Variants in CAV1 observed in about 807,000 individuals in gnomAD.
The protein encoded by CAV1 is caveolin-1.
CAV1 carries 10 observed loss-of-function variants against 16.5 expected under a neutral mutation model. That is an observed-to-expected ratio of 0.61 (90% confidence interval 0.37 to 1.03). The LOEUF (loss-of-function observed/expected upper bound fraction) is 1.03. Among genes scored for constraint, CAV1 ranks in the 50% least tolerant of loss-of-function variants. The pLI is 0.01. For synonymous variants in CAV1, 76 were observed against 85.1 expected (o/e 0.89, Z 0.59); for missense variants, 212 against 232.8 (o/e 0.91, Z 0.58).
At chr7:116,546,111 T>C (rs977781789) in intron 2 of CAV1, among the ~76,000 whole-genome samples, 1 of 152,198 alleles carries the variant, frequency 6.6e-6, no homozygotes, top group African/African-American at 2.4e-5. Flanking sequence ...ATCCATGCTA[T>C]CGCTGGCCCT....
chr7:116,535,905 A>G (rs192820945), intron 2 of CAV1, among the ~76,000 whole-genome samples: 1 of 152,248 alleles, frequency 6.6e-6, no homozygotes, highest in Admixed American at 6.5e-5. Context: ...AAAGAGACTT[A>G]AGTTTTGATG....
intron 2 of CAV1, among the ~76,000 whole-genome samples, chr7:116,532,210 A>G (rs1005895440): frequency 7.2e-5 from 11 of 152,208 alleles, no homozygotes; most frequent in Non-Finnish European, 1.3e-4. Context: ...AAGGGGTTCA[A>G]AGTAGGAACA....
At chr7:116,547,889 C>T (rs991906508) in intron 2 of CAV1, among the ~76,000 whole-genome samples, 3 of 152,144 alleles carry the variant, frequency 2.0e-5, no homozygotes, top group African/African-American at 4.8e-5. Flanking sequence ...AACTTAGGCA[C>T]AAAGAGGTTT....
At chr7:116,526,152 T>C in intron 1 of CAV1, 1 of 395,892 alleles carries the variant, frequency 2.5e-6, no homozygotes, top group Non-Finnish European at 3.5e-6. Flanking sequence ...AGCCTGCGGC[T>C]GCCCCCTCGC....
In CAV1 at chr7:116,546,307, C is replaced by T. The variant is rs73459513; in HGVS notation, c.196-12639C>T. Among the ~76,000 whole-genome samples, 595 of 152,230 alleles carry T rather than the reference C, an allele frequency of 3.9e-3. 4 individuals carry two copies. The highest frequency in any genetic ancestry group is 0.013 in the African/African-American group (545 of 41,516). On this transcript the variant is annotated intron_variant, in intron 2 of 2. Coordinates refer to ENST00000341049, the MANE Select transcript of CAV1 (RefSeq NM_001753.5). ...TAATGAACACGTGAGGCCATGTGGACGCGAGAGATGGCTCCGGGTTCCCTC... is the reference window on the plus strand; with the variant it reads ...TAATGAACACGTGAGGCCATGTGGATGCGAGAGATGGCTCCGGGTTCCCTC...
chr7:116,526,336 A>C (rs1265140254), intron 1 of CAV1, 189 bp from the exon 2 acceptor site: 2 of 1,464,870 alleles, frequency 1.4e-6, no homozygotes, highest in East Asian at 2.6e-5. Context: ...TCCTCTTAAA[A>C]AGCTGGCTAC....
At chr7:116,527,749 G>A (rs1017407404) in intron 2 of CAV1, among the ~76,000 whole-genome samples, 2 of 152,184 alleles carry the variant, frequency 1.3e-5, no homozygotes, top group Admixed American at 6.5e-5. Context: ...TGAGGCGGAT[G>A]AGCAATTTCC....
In CAV1 at chr7:116,559,622, A is replaced by T. The variant is rs1794365511; in HGVS notation, c.*335A>T. The T allele has an allele frequency of 3.8e-6, 2 of 527,022 alleles. No homozygotes were observed. The highest frequency in any genetic ancestry group is 6.1e-5 in the East Asian group (2 of 32,848). 32.6% of individuals were successfully genotyped at this position (527,022 alleles called of 1,614,324 possible). A position where few individuals can be genotyped will look rare whatever the true frequency, so the allele number is the denominator to read the frequency against. On this transcript the variant is annotated 3_prime_UTR_variant, in exon 3 of 3. Transcript: ENST00000341049. ...TATGAAGAACTGAGGAGGAAAAAAA[A>T]AAAAAAGAAAAGAACCAACAACCTC...
intron 2 of CAV1, among the ~76,000 whole-genome samples, chr7:116,556,163 G>T (rs1037248497): frequency 6.6e-6 from 1 of 152,146 alleles, no homozygotes; most frequent in African/African-American, 2.4e-5. Context: ...GAAAGTGTAA[G>T]AATCTCCTAT....
At chr7:116,541,465 G>A (rs555614923) in intron 2 of CAV1, among the ~76,000 whole-genome samples, 1 of 152,252 alleles carries the variant, frequency 6.6e-6, no homozygotes, top group Non-Finnish European at 1.5e-5. Flanking sequence ...AAAAGTGTTA[G>A]GTAGGCTGAG....
chr7:116,544,866 G>C (rs1794009381), intron 2 of CAV1, among the ~76,000 whole-genome samples: 1 of 152,130 alleles, frequency 6.6e-6, no homozygotes, highest in Admixed American at 6.5e-5. Context: ...GAAGCCAGAG[G>C]CCATCTCTAT....
rs959335390 is a variant in CAV1 at position 116,526,771 on chromosome 7, G to T, written c.195+82G>T. 339 of 1,493,280 alleles carry T rather than the reference G, an allele frequency of 2.3e-4. 1 individual carries two copies. The highest frequency in any genetic ancestry group is 2.4e-4 in the Non-Finnish European group (256 of 1,083,936). The allele number at this position is 1,493,280 out of a possible 1,614,324, so 92.5% of individuals were successfully genotyped here. A position where few individuals can be genotyped will look rare whatever the true frequency, so the allele number is the denominator to read the frequency against. ...CCGTGCATCCTTCTTTAGCATTGCC[G>T]TGTACGCACACCCCACCCCGCCCCC... On this transcript the variant is annotated intron_variant, in intron 2 of 2. Coordinates refer to ENST00000341049, the MANE Select transcript of CAV1 (RefSeq NM_001753.5).
rs1193689218 is a variant in CAV1, at chr7:116,561,033, A to G, written c.*1746A>G. ...GTATTCCAAGACATGTCTGTTCTAC[A>G]TAGATGCTTAGTCCCTCATGCAAAT... On this transcript the variant is annotated 3_prime_UTR_variant, in exon 3 of 3. Transcript: ENST00000341049. The G allele has an allele frequency of 6.6e-6, 1 of 152,632 alleles. No individual in the cohort carries two copies. Among genetic ancestry groups the G allele is most frequent in the East Asian group, 1.9e-4 (1 of 5,202 alleles). 9.5% of individuals were successfully genotyped at this position (152,632 alleles called of 1,614,324 possible).
Position 116,546,359 on chromosome 7 carries a change from A to C in CAV1, c.196-12587A>C, listed in dbSNP as rs1252201974. On this transcript the variant is annotated intron_variant, in intron 2 of 2. Transcript: ENST00000341049. Reference sequence around the variant, plus strand: ...GACGGCTCACAGCCAGCTGGTCTGCAGTGCGGTTTTAGATTCCGATGTGGG... The same window carrying C: ...GACGGCTCACAGCCAGCTGGTCTGCCGTGCGGTTTTAGATTCCGATGTGGG... 2.0e-5 allele frequency among the ~76,000 whole-genome samples: 3 copies of C among 152,096 alleles called. No homozygotes were observed. The East Asian group carries it at 5.8e-4, about 29-fold the overall frequency.
intron 2 of CAV1, among the ~76,000 whole-genome samples, chr7:116,536,100 A>G (rs1254438558): frequency 6.6e-6 from 1 of 152,150 alleles, no homozygotes; most frequent in African/African-American, 2.4e-5. Context: ...GTCAAACACA[A>G]TTACATTTTC....
chr7:116,552,132 C>A (rs1344112785), intron 2 of CAV1, among the ~76,000 whole-genome samples: 1 of 152,140 alleles, frequency 6.6e-6, no homozygotes, highest in Non-Finnish European at 1.5e-5. Context: ...AGAGGGATGG[C>A]ATTACACAAG....
chr7:116,537,235 A>G (rs1355784396), intron 2 of CAV1, among the ~76,000 whole-genome samples: 2 of 152,182 alleles, frequency 1.3e-5, no homozygotes, highest in African/African-American at 4.8e-5. Context: ...ACAGTAATTT[A>G]AAAGTGAAGT....
intron 2 of CAV1, among the ~76,000 whole-genome samples, chr7:116,527,497 T>C (rs1793589112): frequency 6.6e-6 from 1 of 152,178 alleles, no homozygotes; most frequent in Non-Finnish European, 1.5e-5. Context: ...TTGGACTGGG[T>C]TATTGGCCAG....
chr7:116,534,096 T>A (rs1261674778), intron 2 of CAV1, among the ~76,000 whole-genome samples: 1 of 151,774 alleles, frequency 6.6e-6, no homozygotes, highest in Non-Finnish European at 1.5e-5. Context: ...CATGCACCTG[T>A]AGTCCCAGCT....
Sources: allele counts gnomAD v4.1 joint callset (sites outside exome capture counted in the v4.1 genomes callset), GRCh38; gene constraint gnomAD v4.1.1; transcripts MANE v1.5; gene names NCBI Gene and HGNC (gene_info 2026-07-23, HGNC 2026-07-21).